Variants in CA10 observed in about 807,000 individuals in gnomAD.
CA10 encodes carbonic anhydrase-related protein 10.
CA10 carries 14 observed loss-of-function variants against 44.2 expected under a neutral mutation model. The observed-to-expected ratio is 0.32, with a 90% confidence interval of 0.21 to 0.50. CA10 has a LOEUF of 0.50. CA10 is among the 20% of genes least tolerant of loss of function. The pLI is 0.99. For synonymous variants in CA10, 159 were observed against 141.6 expected (o/e 1.12, Z -0.87); for missense variants, 350 against 409.7 (o/e 0.85, Z 1.26).
chr17:51,787,641 C>T (rs146418634), intron 3 of CA10, among the ~76,000 whole-genome samples: 86 of 152,170 alleles, frequency 5.7e-4, no homozygotes, highest in African/African-American at 2.0e-3. Flanking sequence ...CAGGTGCACA[C>T]CACCATGCCT....
intron 1 of CA10, among the ~76,000 whole-genome samples, chr17:52,124,271 C>T (rs1267978523): frequency 6.6e-6 from 1 of 152,182 alleles, no homozygotes; most frequent in Admixed American, 6.5e-5. Flanking sequence ...TTCCTCATAA[C>T]AATTCTATGA....
chr17:51,688,640 T>C (rs921368990), intron 4 of CA10, among the ~76,000 whole-genome samples: 5 of 152,224 alleles, frequency 3.3e-5, no homozygotes, highest in African/African-American at 1.2e-4. Flanking sequence ...ATTTCATGCC[T>C]AAATGATTTG....
chr17:51,870,605 C>T (rs891860613), intron 3 of CA10, among the ~76,000 whole-genome samples: 2 of 152,180 alleles, frequency 1.3e-5, no homozygotes, highest in African/African-American at 4.8e-5. Flanking sequence ...ATTATATATG[C>T]TGTAAGCACA....
At chr17:51,940,208 A>G (rs1317263769) in intron 2 of CA10, among the ~76,000 whole-genome samples, 1 of 152,064 alleles carries the variant, frequency 6.6e-6, no homozygotes, top group Non-Finnish European at 1.5e-5. Flanking sequence ...TTCCATATGT[A>G]TTGGATTTGC....
intron 1 of CA10, among the ~76,000 whole-genome samples, chr17:52,109,169 A>C (rs189607426): frequency 6.6e-6 from 1 of 152,328 alleles, no homozygotes; most frequent in East Asian, 1.9e-4. Context: ...CATGTTGTAG[A>C]TGATAATTAA....
rs532935885 is a variant in CA10, at chr17:52,066,619, C to A, written c.136+5700G>T. On this transcript the variant is annotated intron_variant, in intron 2 of 8. Transcript: ENST00000451037. ...TTCACCTTCAGCCATGATTATGAGA[C>A]CTTCTCAGTCATGTGGAACTGTGAG... 1.5e-4 allele frequency among the ~76,000 whole-genome samples: 23 copies of A among 152,336 alleles called. No individual in the cohort carries two copies. The East Asian group carries it at 4.4e-3, about 29-fold the overall frequency.
At chr17:52,010,903 A>T (rs999721663) in intron 2 of CA10, among the ~76,000 whole-genome samples, 10 of 150,450 alleles carry the variant, frequency 6.6e-5, no homozygotes, top group African/African-American at 2.2e-4. Context: ...TTCAATGAGC[A>T]GGGAATGAAG....
At chr17:52,095,467 T>C (rs532080432) in intron 1 of CA10, among the ~76,000 whole-genome samples, 71 of 152,234 alleles carry the variant, frequency 4.7e-4, no homozygotes, top group South Asian at 2.7e-3. Context: ...ATTTTATATG[T>C]TAATCTCAAT....
At position 52,145,328 on chromosome 17, in the gene CA10, T is replaced by C. The variant is rs370973060; in HGVS notation, c.61+12398A>G. On this transcript the variant is annotated intron_variant, in intron 1 of 8. Transcript: ENST00000451037. ...ACAACTTTCTGTAAAAGTCTCTTAA[T>C]ATACTAAAGTTCCTAAGTTGGAAAG... is the stretch of plus-strand genomic sequence containing the variant. 2.0e-4 allele frequency among the ~76,000 whole-genome samples: 30 copies of C among 152,310 alleles called. No individual in the cohort carries two copies. In the East Asian group the frequency reaches 3.1e-3, roughly 16 times the overall value.
chr17:51,999,494 T>G (rs892914941), intron 2 of CA10, among the ~76,000 whole-genome samples: 5 of 151,982 alleles, frequency 3.3e-5, no homozygotes, highest in African/African-American at 1.2e-4. Context: ...AGATTGGTGT[T>G]GAGTATGAGG....
intron 2 of CA10, among the ~76,000 whole-genome samples, chr17:51,948,467 C>T (rs932896507): frequency 6.6e-6 from 1 of 152,178 alleles, no homozygotes; most frequent in African/African-American, 2.4e-5. Context: ...AGCTGCAACG[C>T]TCCCCAGAGG....
At chr17:51,972,491 T>C (rs1469698807) in intron 2 of CA10, among the ~76,000 whole-genome samples, 1 of 151,986 alleles carries the variant, frequency 6.6e-6, no homozygotes, top group Non-Finnish European at 1.5e-5. Context: ...TAAGAACTGA[T>C]ATAGAGGTGG....
chr17:51,766,349 C>G (rs1286707831), intron 3 of CA10, among the ~76,000 whole-genome samples: 2 of 152,198 alleles, frequency 1.3e-5, no homozygotes, highest in Non-Finnish European at 2.9e-5. Flanking sequence ...AGCATGCTAT[C>G]TAACCATGCT....
intron 3 of CA10, among the ~76,000 whole-genome samples, chr17:51,806,311 A>T (rs937617741): frequency 6.6e-6 from 1 of 152,220 alleles, no homozygotes; most frequent in Non-Finnish European, 1.5e-5. Context: ...TTAAGGCCTG[A>T]TTAAATGTGA....
chr17:51,640,824 C>T (rs1913049196), intron 6 of CA10, among the ~76,000 whole-genome samples: 2 of 152,156 alleles, frequency 1.3e-5, no homozygotes, highest in Non-Finnish European at 2.9e-5. Context: ...TTGTTTGGTT[C>T]TTGTCAGCGT....
At chr17:51,681,609 T>A (rs1257336327) in intron 4 of CA10, among the ~76,000 whole-genome samples, 1 of 152,200 alleles carries the variant, frequency 6.6e-6, no homozygotes, top group African/African-American at 2.4e-5. Flanking sequence ...CATTGCCAAA[T>A]GTCCCCTGAA....
At chr17:51,666,811 G>T (rs1260129150) in intron 4 of CA10, among the ~76,000 whole-genome samples, 1 of 152,154 alleles carries the variant, frequency 6.6e-6, no homozygotes, top group Non-Finnish European at 1.5e-5. Context: ...AGATTGCAGG[G>T]AATAGGAGAT....
At chr17:51,765,691 C>CTG (rs61631215) in intron 3 of CA10, among the ~76,000 whole-genome samples, 9,802 of 140,272 alleles carry the variant, frequency 0.07, 345 homozygotes, top group South Asian at 0.14. Flanking sequence ...AGGCAGCTCC[C>CTG]TGTGTGTGTG....
intron 3 of CA10, among the ~76,000 whole-genome samples, chr17:51,771,530 A>G (rs544629212): frequency 5.9e-5 from 9 of 152,248 alleles, no homozygotes; most frequent in African/African-American, 2.2e-4. Flanking sequence ...TGTAATGGCT[A>G]TGTTGGGTCT....
Sources: allele counts gnomAD v4.1 joint callset (sites outside exome capture counted in the v4.1 genomes callset), GRCh38; gene constraint gnomAD v4.1.1; transcripts MANE v1.5; gene names NCBI Gene and HGNC (gene_info 2026-07-23, HGNC 2026-07-21).